The following PPP6C variants were observed in gnomAD, a reference collection of about 807,000 sequenced individuals.
PPP6C encodes protein phosphatase 6 catalytic subunit, also known as serine/threonine-protein phosphatase 6 catalytic subunit.
Under a neutral mutation model 39.8 loss-of-function variants are expected in PPP6C, and 11 were observed. The observed-to-expected ratio is 0.28, with a 90% CI of 0.17 to 0.46. The LOEUF is 0.46. Ranked by LOEUF, PPP6C falls within the 20% of genes least tolerant of loss-of-function variation. PPP6C has a pLI of 1.00. For synonymous variants in PPP6C, 129 were observed against 130.3 expected (o/e 0.99, Z 0.07); for missense variants, 211 against 373.9 (o/e 0.56, Z 3.59).
chr9:125,163,620 G>C (rs536944493), intron 2 of PPP6C, among the ~76,000 whole-genome samples: 1 of 151,838 alleles, frequency 6.6e-6, no homozygotes, highest in African/African-American at 2.4e-5. Flanking sequence ...TAACAGAGAC[G>C]GGGTTTCACC....
intron 1 of PPP6C, 55 bp downstream of exon 1, chr9:125,189,589 G>A: frequency 6.2e-7 from 1 of 1,608,824 alleles, no homozygotes. Flanking sequence ...GAAAGGAAGG[G>A]CCGGCCGGCG....
At chr9:125,185,793 T>G (rs1476510100) in intron 1 of PPP6C, among the ~76,000 whole-genome samples, 1 of 151,812 alleles carries the variant, frequency 6.6e-6, no homozygotes, top group African/African-American at 2.4e-5. Context: ...GAGACCAGCC[T>G]GAACAACATG....
intron 2 of PPP6C, among the ~76,000 whole-genome samples, chr9:125,169,087 A>G (rs145922350): frequency 6.6e-6 from 1 of 152,336 alleles, no homozygotes; most frequent in East Asian, 1.9e-4. Context: ...CACATACAAC[A>G]TAAACAATTG....
rs1835824055 is a variant in PPP6C, at chr9:125,146,834, G to C, written c.*2839C>G. 6.6e-6 allele frequency: 1 copy of C among 152,210 alleles called. No homozygotes were observed. Among genetic ancestry groups the C allele is most frequent in the Non-Finnish European group, 1.5e-5 (1 of 68,042 alleles). 9.4% of individuals were successfully genotyped at this position (152,210 alleles called of 1,614,324 possible). On this transcript the variant is annotated 3_prime_UTR_variant, in exon 7 of 7. Coordinates refer to ENST00000373547, the MANE Select transcript of PPP6C (RefSeq NM_002721.5). ...ATACACAATTTCCTGGAAGCTGATG[G>C]AAAGTGATTCTATTTCTGACAATGA...
chr9:125,151,715 CA>C (rs1835950564), intron 6 of PPP6C: 1 of 342,876 alleles, frequency 2.9e-6, no homozygotes, highest in South Asian at 2.6e-5. Context: ...TATCCCACAT[CA>C]GGTATATCTG....
chr9:125,163,258 T>C (rs1040316462), intron 2 of PPP6C, among the ~76,000 whole-genome samples: 28 of 152,258 alleles, frequency 1.8e-4, no homozygotes, highest in African/African-American at 5.8e-4. Flanking sequence ...AAGAATGGAA[T>C]ACAAAACTAT....
chr9:125,167,145 C>A (rs1158491298), intron 2 of PPP6C, among the ~76,000 whole-genome samples: 1 of 151,896 alleles, frequency 6.6e-6, no homozygotes, highest in Non-Finnish European at 1.5e-5. Context: ...CTCTGGGAGG[C>A]TGAGGCAGGT....
At chr9:125,158,014 C>T (rs1836123241) in intron 4 of PPP6C, among the ~76,000 whole-genome samples, 1 of 151,944 alleles carries the variant, frequency 6.6e-6, no homozygotes, top group African/African-American at 2.4e-5. Context: ...TAATGAGAAC[C>T]CAGGTGATTC....
intron 1 of PPP6C, among the ~76,000 whole-genome samples, chr9:125,180,526 G>A (rs1829398570): frequency 1.3e-5 from 2 of 152,128 alleles, no homozygotes; most frequent in South Asian, 4.1e-4. Flanking sequence ...AGGTTCAAGC[G>A]ATTCTCCTGC....
At chr9:125,152,449 ATTAAT>A (rs999428086) in intron 6 of PPP6C, among the ~76,000 whole-genome samples, 10 of 152,106 alleles carry the variant, frequency 6.6e-5, no homozygotes, top group African/African-American at 2.4e-4. Flanking sequence ...GTGCCTTTTG[ATTAAT>A]TTAAGTATTT....
At chr9:125,160,477 G>A (rs545661143) in intron 3 of PPP6C, among the ~76,000 whole-genome samples, 11 of 152,308 alleles carry the variant, frequency 7.2e-5, no homozygotes, top group African/African-American at 1.7e-4. Flanking sequence ...AGTCTTTCCT[G>A]TGCTGTTCTC....
At chr9:125,167,181 G>A (rs186738232) in intron 2 of PPP6C, among the ~76,000 whole-genome samples, 74 of 151,916 alleles carry the variant, frequency 4.9e-4, no homozygotes, top group African/African-American at 1.7e-3. Flanking sequence ...AGGAGTTCGA[G>A]ACCAGCCTGG....
chr9:125,188,971 G>A (rs754447084), intron 1 of PPP6C: 1 of 1,532,454 alleles, frequency 6.5e-7, no homozygotes, highest in Non-Finnish European at 8.8e-7. Context: ...GGGTTAAGGA[G>A]AAAGTATTTG....
intron 1 of PPP6C, among the ~76,000 whole-genome samples, chr9:125,180,569 C>T (rs1257877165): frequency 2.0e-5 from 3 of 152,256 alleles, no homozygotes; most frequent in East Asian, 1.9e-4. Flanking sequence ...TTACGGCACA[C>T]GCCACCATGC....
chr9:125,152,009 C>T (rs938859093), intron 6 of PPP6C, among the ~76,000 whole-genome samples: 10 of 151,892 alleles, frequency 6.6e-5, no homozygotes, highest in African/African-American at 2.4e-4. Flanking sequence ...AAGGTCTATG[C>T]TAAATTATGG....
chr9:125,158,241 C>A lies in PPP6C; in HGVS notation c.379G>T (p.Asp127Tyr). 6.3e-7 allele frequency: 1 copy of A among 1,595,370 alleles called. No individual in the cohort carries two copies. Among genetic ancestry groups the A allele is most frequent in the South Asian group, 1.1e-5 (1 of 88,294 alleles). ...RQITQVYGFY[D>Y]ECQTKYGNAN... ...GAATCAGAGAAATAGGAATTCTTAC[C>A]ATAAAATCCATAGACCTGTGTTATC... Residue 127 changes from aspartate (D) to tyrosine (Y), a missense_variant and splice_region_variant, in exon 4 of 7, where the codon GAT (aspartate) becomes TAT (tyrosine). By Grantham distance (160) the Asp-to-Tyr change is radical (BLOSUM62 -3). Transcript: ENST00000373547.
At chr9:125,189,419 G>A in intron 1 of PPP6C, 1 of 1,275,676 alleles carries the variant, frequency 7.8e-7, no homozygotes, top group Non-Finnish European at 1.1e-6. Context: ...CTGGGACAGA[G>A]GCCGCGACAT....
chr9:125,151,178 C>A, intron 6 of PPP6C: 7 of 1,488,116 alleles, frequency 4.7e-6, no homozygotes, highest in Non-Finnish European at 5.6e-6. Context: ...AAGAGAGTGA[C>A]CTCCATTGCA....
intron 2 of PPP6C, among the ~76,000 whole-genome samples, chr9:125,166,823 C>T (rs1829024743): frequency 6.6e-6 from 1 of 152,114 alleles, no homozygotes. Context: ...CCCACAACTA[C>T]TTTTCCTTGA....
Sources: allele counts gnomAD v4.1 joint callset (sites outside exome capture counted in the v4.1 genomes callset), GRCh38; gene constraint gnomAD v4.1.1; transcripts MANE v1.5; gene names NCBI Gene and HGNC (gene_info 2026-07-23, HGNC 2026-07-21).